TRIM52: variants seen among roughly 807,000 people sequenced by gnomAD.
The protein encoded by TRIM52 is E3 ubiquitin-protein ligase TRIM52.
TRIM52 carries 24 observed loss-of-function variants against 27.0 expected under a neutral mutation model. The ratio of observed to expected loss-of-function variants is 0.89; its 90% confidence interval spans 0.64 to 1.25. TRIM52 has a LOEUF of 1.25. Among genes scored for constraint, TRIM52 ranks in the 50% most tolerant of loss-of-function variants. The pLI is 0.00. For missense variants in TRIM52, 351 were observed against 354.7 expected (o/e 0.99, Z 0.08); for synonymous variants, 125 against 126.5 (o/e 0.99, Z 0.08).
downstream of TRIM52, among the ~76,000 whole-genome samples, chr5:181,253,620 A>G (rs1412923850): frequency 7.0e-6 from 1 of 142,866 alleles, no homozygotes; most frequent in Admixed American, 6.8e-5. Flanking sequence ...AGATGCTACT[A>G]AGTATCCTAT....
intron 1 of TRIM52, chr5:181,259,675 G>T: frequency 2.4e-6 from 1 of 408,710 alleles, no homozygotes; most frequent in Non-Finnish European, 4.5e-6. Flanking sequence ...TCACATTAGG[G>T]AGAAATGAAG....
Position 181,260,279 on chromosome 5 carries a change from C to A in TRIM52, c.535G>T (p.Gly179Trp). ...CGGCACTGGGGGCAGGTGAACTGCCCTGGAAGGGGCAAGGAAGGAGGCGGG... is the reference window on the plus strand; with the variant it reads ...CGGCACTGGGGGCAGGTGAACTGCCATGGAAGGGGCAAGGAAGGAGGCGGG... ...IHPPPSLPLP[G>W]QFTCPQCRKS... is the part of the protein sequence containing the mutation. Residue 179 changes from glycine (G) to tryptophan (W), a missense_variant, in exon 1 of 2, where the codon GGG (glycine) becomes TGG (tryptophan). Gly to Trp is a radical substitution (Grantham distance 184, BLOSUM62 -2). Transcript: ENST00000688015. The surrounding 1 kb of genome is among the most constrained non-coding windows in gnomAD (Gnocchi z 4.4). The A allele has an allele frequency of 6.2e-7, 1 of 1,614,186 alleles. No individual in the cohort carries two copies. The highest frequency in any genetic ancestry group is 8.5e-7 in the Non-Finnish European group (1 of 1,180,018).
At chr5:181,250,612 T>TA (rs1372589478), downstream of TRIM52, among the ~76,000 whole-genome samples, 3 of 152,160 alleles carry the variant, frequency 2.0e-5, no homozygotes, top group Admixed American at 6.5e-5. Flanking sequence ...AAAGTAGCAT[T>TA]AGATGGTAGA....
chr5:181,253,633 T>G (rs1759687267), downstream of TRIM52, among the ~76,000 whole-genome samples: 1 of 142,746 alleles, frequency 7.0e-6, no homozygotes, highest in Non-Finnish European at 1.5e-5. Flanking sequence ...TATCCTATAA[T>G]GCATAGGACA....
At chr5:181,257,344 G>C (rs1759825133) in intron 1 of TRIM52, 1 of 1,492,420 alleles carries the variant, frequency 6.7e-7, no homozygotes, top group Admixed American at 2.2e-5. Flanking sequence ...TTATGCAATA[G>C]AAATAGCTAT....
Position 181,261,140 on chromosome 5 carries a change from C to A in TRIM52, c.-327G>T. The A allele has an allele frequency of 3.7e-6, 1 of 271,598 alleles. No individual in the cohort carries two copies. The highest frequency in any genetic ancestry group is 7.0e-6 in the Non-Finnish European group (1 of 142,178). 16.8% of individuals were successfully genotyped at this position (271,598 alleles called of 1,614,324 possible). On this transcript the variant is annotated 5_prime_UTR_variant, in exon 1 of 2. Coordinates refer to ENST00000688015, the MANE Select transcript of TRIM52 (RefSeq NM_001346048.2). ...CAGCCGCTGGCTACCCTGCCCGAGG[C>A]GACGCAAAATGACGTCTCGCTCCTG...
Position 181,260,331 on chromosome 5 carries a change from T to C in TRIM52, c.483A>G (p.Glu161=). The C allele has an allele frequency of 1.2e-6, 2 of 1,614,074 alleles. No homozygotes were observed. Among genetic ancestry groups the C allele is most frequent in the Middle Eastern group, 3.3e-4 (2 of 6,062 alleles). The change falls in exon 1 of 2, where the codon GAA becomes GAG. Residue 161 remains glutamate (E), a synonymous_variant. Transcript: ENST00000688015. This position sits in a 1 kb window ranked among gnomAD's most constrained non-coding sequence, Gnocchi z 4.4. ...GGATGTCAGGATACAGCTCTTCATC[T>C]TCGTCCTCATCGTATGCTTCCAGTA... is the stretch of plus-strand genomic sequence containing the variant. The part of the protein sequence containing the change: ...EEILEAYDED[E]DEELYPDIHP...
At chr5:181,249,537 ATGG>A (rs1759590700), downstream of TRIM52, among the ~76,000 whole-genome samples, 1 of 151,950 alleles carries the variant, frequency 6.6e-6, no homozygotes, top group Non-Finnish European at 1.5e-5. Flanking sequence ...TTAGCCAGGC[ATGG>A]TGGTGCACGC....
rs1760021488 is a variant in TRIM52, at chr5:181,260,671, C to T, written c.143G>A (p.Trp48Ter). The T allele has an allele frequency of 1.9e-6, 3 of 1,614,074 alleles. No homozygotes were observed. Among genetic ancestry groups the T allele is most frequent in the Non-Finnish European group, 2.5e-6 (3 of 1,180,024 alleles). ...NFCRGCVTQL[W>*]SKEDEEDQNE... ...CTGGTCCTCCTCGTCCTCCTTACTC[C>T]ACAGCTGGGTCACACACCCTCGGCA... Residue 48 changes from tryptophan (W) to a stop codon, truncating the protein, a stop_gained, in exon 1 of 2, where the codon TGG becomes TAG. Transcript: ENST00000688015. LOFTEE classifies it high-confidence loss of function. The surrounding 1 kb of genome is among the most constrained non-coding windows in gnomAD (Gnocchi z 4.4).
chr5:181,254,749 T>C (rs1311592678), downstream of TRIM52: 1 of 152,246 alleles, frequency 6.6e-6, no homozygotes, highest in Admixed American at 6.5e-5. Flanking sequence ...AAATGTCTGA[T>C]AAATTGGGAA....
chr5:181,256,874 G>A lies in TRIM52; in HGVS notation c.814-15C>T, dbSNP rs1239745951. The A allele has an allele frequency of 5.1e-6, 5 of 985,418 alleles. No homozygotes were observed. The highest frequency in any genetic ancestry group is 4.8e-6 in the Non-Finnish European group (4 of 829,968). The allele number at this position is 985,418 out of a possible 1,614,324, so 61.0% of individuals were successfully genotyped here. ...GACCCTATCTTCTGCAAAATAACAT[G>A]AGTATATACTTGAGAAAAGCCTCAA... On this transcript the variant is annotated splice_polypyrimidine_tract_variant and intron_variant, in intron 1 of 1. Coordinates refer to ENST00000688015, the MANE Select transcript of TRIM52 (RefSeq NM_001346048.2).
chr5:181,259,497 G>A (rs1011052259), intron 1 of TRIM52: 3 of 177,682 alleles, frequency 1.7e-5, no homozygotes, highest in Admixed American at 5.4e-5. Flanking sequence ...TTTCAGAGGG[G>A]GGGTGTGGCC....
downstream of TRIM52, chr5:181,254,499 C>T (rs1282388307): frequency 6.6e-6 from 1 of 151,926 alleles, no homozygotes; most frequent in African/African-American, 2.4e-5. Flanking sequence ...CCCAGGCCTC[C>T]TGAATAGCTG....
chr5:181,257,470 CCA>C, intron 1 of TRIM52: 1 of 1,612,200 alleles, frequency 6.2e-7, no homozygotes, highest in Non-Finnish European at 8.5e-7. Context: ...AGTATTCCCA[CCA>C]GAGTTGTTTC....
intron 1 of TRIM52, chr5:181,257,663 A>G (rs1759840756): frequency 2.1e-6 from 1 of 471,386 alleles, no homozygotes; most frequent in African/African-American, 2.0e-5. Context: ...TTACATGTTT[A>G]CCAATGGAAG....
At position 181,260,885 on chromosome 5, in the gene TRIM52, C is replaced by T; in HGVS notation, c.-72G>A. 1.3e-6 allele frequency: 2 copies of T among 1,501,908 alleles called. No individual in the cohort carries two copies. Among genetic ancestry groups the T allele is most frequent in the Non-Finnish European group, 1.8e-6 (2 of 1,125,808 alleles). The allele number at this position is 1,501,908 out of a possible 1,614,324, so 93.0% of individuals were successfully genotyped here. A position where few individuals can be genotyped will look rare whatever the true frequency, so the allele number is the denominator to read the frequency against. On this transcript the variant is annotated 5_prime_UTR_variant, in exon 1 of 2. Coordinates refer to ENST00000688015, the MANE Select transcript of TRIM52 (RefSeq NM_001346048.2). The surrounding 1 kb of genome is among the most constrained non-coding windows in gnomAD (Gnocchi z 4.4). ...AGCGGGGACGCGCCTGCAGGCCTGC[C>T]TCCAAACTACTCTGGTGACCCGAGG...
At position 181,261,062 on chromosome 5, in the gene TRIM52, CGTCTCT is replaced by C; in HGVS notation, c.-255_-250del. On this transcript the variant is annotated 5_prime_UTR_variant, in exon 1 of 2. Transcript: ENST00000688015. Reference sequence around the variant, plus strand: ...AGCCCCCAGCTGCTCGGTCCTGTCACGTCTCTCGCTACCCTCAGGGTGTGCCCTACA... The same window carrying C: ...AGCCCCCAGCTGCTCGGTCCTGTCACCGCTACCCTCAGGGTGTGCCCTACA... 2.2e-5 allele frequency: 11 copies of C among 505,438 alleles called. No homozygotes were observed. The highest frequency in any genetic ancestry group is 1.9e-4 in the East Asian group (6 of 31,194). 31.3% of individuals were successfully genotyped at this position (505,438 alleles called of 1,614,324 possible). A position where few individuals can be genotyped will look rare whatever the true frequency, so the allele number is the denominator to read the frequency against.
Position 181,255,429 on chromosome 5 carries a change from A to T in TRIM52, c.*1380T>A, listed in dbSNP as rs1410789792. 1 of 152,244 alleles carries T rather than the reference A, an allele frequency of 6.6e-6. No homozygotes were observed. The highest frequency in any genetic ancestry group is 1.5e-5 in the Non-Finnish European group (1 of 68,042). The allele number at this position is 152,244 out of a possible 1,614,324, so 9.4% of individuals were successfully genotyped here. The stretch of plus-strand genomic sequence containing the variant: ...TGGAGTATTTGCCTGGAAGTTTCTA[A>T]TCAAAACCATTAGACTTTGAGTTTC... On this transcript the variant is annotated 3_prime_UTR_variant, in exon 2 of 2. Transcript: ENST00000688015.
downstream of TRIM52, among the ~76,000 whole-genome samples, chr5:181,249,767 G>T (rs541064145): frequency 6.6e-5 from 10 of 151,764 alleles, no homozygotes; most frequent in African/African-American, 2.4e-4. Flanking sequence ...AGTGAGGTCG[G>T]CTGTGAAATT....
Sources: allele counts gnomAD v4.1 joint callset (sites outside exome capture counted in the v4.1 genomes callset), GRCh38; gene constraint gnomAD v4.1.1; non-coding constraint Gnocchi (gnomAD v3.1); transcripts MANE v1.5; gene names NCBI Gene and HGNC (gene_info 2026-07-23, HGNC 2026-07-21).